NEDD4L: variants seen among roughly 807,000 people sequenced by gnomAD.
NEDD4L encodes E3 ubiquitin-protein ligase NEDD4-like.
NEDD4L carries 54 observed loss-of-function variants against 148.9 expected under a neutral mutation model. That is an observed-to-expected ratio of 0.36 (90% confidence interval 0.29 to 0.45). NEDD4L has a LOEUF of 0.45. Ranked by LOEUF, NEDD4L falls within the 20% of genes least tolerant of loss-of-function variation. The pLI, the probability that NEDD4L is intolerant of heterozygous loss-of-function variation, is 1.00. For synonymous variants in NEDD4L, 433 were observed against 440.7 expected, an observed-to-expected ratio of 0.98 and a Z score of 0.22; for missense variants, 856 against 1,233.8, an observed-to-expected ratio of 0.69 and a Z score of 4.59.
chr18:58,223,638 C>G (rs1025383169), intron 2 of NEDD4L, among the ~76,000 whole-genome samples: 1 of 152,160 alleles, frequency 6.6e-6, no homozygotes, highest in Admixed American at 6.5e-5. Context: ...GTTTCTTTCA[C>G]CTTGATGGAA....
intron 2 of NEDD4L, among the ~76,000 whole-genome samples, chr18:58,207,935 T>A (rs1218502540): frequency 6.6e-6 from 1 of 152,116 alleles, no homozygotes; most frequent in Non-Finnish European, 1.5e-5. Context: ...ACCTGTGTAG[T>A]CCCACCTGCT....
chr18:58,392,877 G>A lies in NEDD4L; in HGVS notation c.2825+1318G>A, dbSNP rs1341861525. ...GAAGATTAGGAAAAGCGAAATTATT[G>A]GGCACAGTCATCATCTGTGGTCAGG... On this transcript the variant is annotated intron_variant, in intron 30 of 30. Transcript: ENST00000400345. Among the ~76,000 whole-genome samples the A allele has an allele frequency of 2.0e-5, 3 of 152,168 alleles. No individual in the cohort carries two copies. The South Asian group carries it at 6.2e-4, about 32-fold the overall frequency.
At chr18:58,217,430 G>A (rs2043268015) in intron 2 of NEDD4L, among the ~76,000 whole-genome samples, 1 of 152,144 alleles carries the variant, frequency 6.6e-6, no homozygotes, top group Non-Finnish European at 1.5e-5. Context: ...TACTCACTGT[G>A]TTAAAATAAG....
intron 2 of NEDD4L, among the ~76,000 whole-genome samples, chr18:58,233,820 G>C (rs1346248786): frequency 1.3e-5 from 2 of 152,190 alleles, no homozygotes; most frequent in Non-Finnish European, 2.9e-5. Context: ...GGATTCTGCT[G>C]TCTCTGAGCC....
At chr18:58,137,244 C>G (rs1437399999) in intron 1 of NEDD4L, among the ~76,000 whole-genome samples, 1 of 152,108 alleles carries the variant, frequency 6.6e-6, no homozygotes, top group African/African-American at 2.4e-5. Context: ...TTCATTTATT[C>G]TTAGAGGAAA....
rs2050568927 is a variant in NEDD4L, at chr18:58,397,452, G to A, written c.*1183G>A. 1.3e-5 allele frequency: 2 copies of A among 152,226 alleles called. No individual in the cohort carries two copies. The highest frequency in any genetic ancestry group is 2.1e-4 in the South Asian group (1 of 4,822). 9.4% of individuals were successfully genotyped at this position (152,226 alleles called of 1,614,324 possible). ...CTATCAATTGTGAATCTGGCTGCTG[G>A]TGTATAAAAACCTGGATGTAAAGCT... is the stretch of plus-strand genomic sequence containing the variant. On this transcript the variant is annotated 3_prime_UTR_variant, in exon 31 of 31. Transcript: ENST00000400345.
At chr18:58,093,067 T>G (rs2084179756) in intron 1 of NEDD4L, among the ~76,000 whole-genome samples, 1 of 152,062 alleles carries the variant, frequency 6.6e-6, no homozygotes, top group Admixed American at 6.6e-5. Context: ...GTATTCCCTC[T>G]CTTGACTGAT....
chr18:58,370,246 C>A, intron 22 of NEDD4L, 151 bp from the exon 23 acceptor site: 1 of 625,992 alleles, frequency 1.6e-6, no homozygotes, highest in Non-Finnish European at 2.9e-6. Flanking sequence ...CCTGATCTCG[C>A]CTCCTCGCTT....
intron 2 of NEDD4L, among the ~76,000 whole-genome samples, chr18:58,197,187 T>C (rs2040813130): frequency 6.6e-6 from 1 of 152,154 alleles, no homozygotes; most frequent in African/African-American, 2.4e-5. Flanking sequence ...CTTGCCATGA[T>C]AGAGCCTGGG....
At chr18:58,059,162 C>G (rs1205875461) in intron 1 of NEDD4L, among the ~76,000 whole-genome samples, 1 of 152,134 alleles carries the variant, frequency 6.6e-6, no homozygotes, top group African/African-American at 2.4e-5. Context: ...CTCCTGGGCT[C>G]AGCGGTTTCT....
intron 6 of NEDD4L, among the ~76,000 whole-genome samples, chr18:58,316,724 T>A (rs565965439): frequency 1.3e-5 from 2 of 152,230 alleles, no homozygotes; most frequent in Non-Finnish European, 2.9e-5. Flanking sequence ...AGGTAGGACC[T>A]GGAGGCCTTG....
In NEDD4L at chr18:58,286,457, C is replaced by T. The variant is rs111536181; in HGVS notation, c.298-29525C>T. On this transcript the variant is annotated intron_variant, in intron 5 of 30. Coordinates refer to ENST00000400345, the MANE Select transcript of NEDD4L (RefSeq NM_001144967.3). ...GCCATGTTCTTTTCAATTTTGGTAG[C>T]TCCCCTGCATTTAATTTAGTCATAA... Among the ~76,000 whole-genome samples, 677 of 152,244 alleles carry T rather than the reference C, an allele frequency of 4.4e-3. 6 individuals carry two copies. The highest frequency in any genetic ancestry group is 0.016 in the African/African-American group (659 of 41,554).
chr18:58,383,140 T>C, intron 24 of NEDD4L, 106 bp from the exon 25 acceptor site: 1 of 677,238 alleles, frequency 1.5e-6, no homozygotes, highest in Non-Finnish European at 2.6e-6. Flanking sequence ...CGGGAAATAT[T>C]TCTGAATACA....
intron 1 of NEDD4L, among the ~76,000 whole-genome samples, chr18:58,106,207 T>C (rs1243798433): frequency 6.6e-6 from 1 of 152,230 alleles, no homozygotes; most frequent in African/African-American, 2.4e-5. Context: ...AAATCAACTG[T>C]CAGGCTGGGA....
chr18:58,103,093 A>C (rs1249545816), intron 1 of NEDD4L, among the ~76,000 whole-genome samples: 1 of 151,916 alleles, frequency 6.6e-6, no homozygotes, highest in Non-Finnish European at 1.5e-5. Flanking sequence ...TCCCAGAATG[A>C]ACTGAGTAGA....
At chr18:58,067,880 G>T (rs980218948) in intron 1 of NEDD4L, among the ~76,000 whole-genome samples, 2 of 152,188 alleles carry the variant, frequency 1.3e-5, no homozygotes, top group African/African-American at 2.4e-5. Flanking sequence ...TATCTGTGTC[G>T]AGGTTGGGAA....
At chr18:58,202,208 G>C (rs961037861) in intron 2 of NEDD4L, among the ~76,000 whole-genome samples, 1 of 152,210 alleles carries the variant, frequency 6.6e-6, no homozygotes, top group Non-Finnish European at 1.5e-5. Flanking sequence ...GAACCTAAGA[G>C]ATCCCTTGTG....
intron 5 of NEDD4L, among the ~76,000 whole-genome samples, chr18:58,304,354 A>G (rs1338865895): frequency 6.6e-6 from 1 of 151,814 alleles, no homozygotes; most frequent in Non-Finnish European, 1.5e-5. Context: ...TACAAAAAAA[A>G]AAAAAAAAAA....
rs979204405 is a variant in NEDD4L at position 58,398,217 on chromosome 18, A to G, written c.*1948A>G. On this transcript the variant is annotated 3_prime_UTR_variant, in exon 31 of 31. Transcript: ENST00000400345. ...AAATTCCCGCTCATGAGTTTTGACT[A>G]TTGGTGAGATGTTTTCCGCTACAGT... 7.3e-6 allele frequency: 1 copy of G among 136,190 alleles called. No homozygotes were observed. The highest frequency in any genetic ancestry group is 2.8e-5 in the African/African-American group (1 of 35,794). 8.4% of individuals were successfully genotyped at this position (136,190 alleles called of 1,614,324 possible). A position where few individuals can be genotyped will look rare whatever the true frequency, so the allele number is the denominator to read the frequency against.
Sources: gnomAD v4.1 joint callset for allele counts (sites outside exome capture counted in the v4.1 genomes callset) on GRCh38, gnomAD v4.1.1 for gene constraint, MANE v1.5 for transcripts, NCBI Gene and HGNC (gene_info 2026-07-23, HGNC 2026-07-21) for gene names.